TRPM3: variants seen among roughly 807,000 people sequenced by gnomAD.
TRPM3 encodes long transient receptor potential channel 3.
Under a neutral mutation model 181.2 loss-of-function variants are expected in TRPM3, and 77 were observed. The ratio of observed to expected loss-of-function variants is 0.42; its 90% CI spans 0.35 to 0.51. The LOEUF (loss-of-function observed/expected upper bound fraction) is 0.51, where lower values mean the gene tolerates loss of function less well. Ranked by LOEUF, TRPM3 falls within the 20% of genes least tolerant of loss-of-function variation. The probability of loss-of-function intolerance (pLI) is 0.01; values close to 1 mark genes in which losing one functional copy is unlikely to be tolerated. For synonymous variants in TRPM3, 745 were observed against 796.4 expected (o/e 0.94, Z 1.09); for missense variants, 1,759 against 2,196.7 (o/e 0.80, Z 3.98).
chr9:71,071,885 T>C (rs1302355707), intron 1 of TRPM3, among the ~76,000 whole-genome samples: 1 of 152,148 alleles, frequency 6.6e-6, no homozygotes, highest in African/African-American at 2.4e-5. Context: ...ATCAATACAC[T>C]TCAGGTCTTT....
At chr9:71,308,166 A>G (rs1021879) in intron 1 of TRPM3, among the ~76,000 whole-genome samples, 130,465 of 151,812 alleles carry the variant, frequency 0.86, 56,124 homozygotes, top group South Asian at 0.93. Context: ...GAGCCACCAC[A>G]CCTGGCAATG....
chr9:70,615,806 A>G (rs1311559905), intron 18 of TRPM3, 102 bp downstream of exon 18: 1 of 1,210,940 alleles, frequency 8.3e-7, no homozygotes, highest in Non-Finnish European at 1.2e-6. Flanking sequence ...AAGGCTGGGA[A>G]CAGATGTCTG....
intron 10 of TRPM3, 126 bp from the exon 11 acceptor site, chr9:70,639,320 A>G: frequency 9.6e-7 from 1 of 1,037,362 alleles, no homozygotes; most frequent in Non-Finnish European, 1.4e-6. Context: ...CACATCTAAG[A>G]ACATGCTAGC....
At position 70,784,187 on chromosome 9, in the gene TRPM3, G is replaced by C; in HGVS notation, c.1066C>G (p.Pro356Ala). ...CCATCACAGACAACCACTGGCACGG[G>C]AGGGGTGTCTCGAAGGTACTCCAAA... ...IVLEYLRDTP[P>A]VPVVVCDGSG... The change falls in exon 7 of 26, where the codon CCC becomes GCC. Residue 356 changes from proline (P) to alanine (A), a missense_variant. By Grantham distance (27) the Pro-to-Ala change is conservative. Around this residue, in one of 8 missense-constraint regions of TRPM3, gnomAD observed 737 missense variants for 957.4 expected, o/e 0.77. Coordinates refer to ENST00000677713, the MANE Select transcript of TRPM3 (RefSeq NM_001366145.2). 11 of 1,613,802 alleles carry C rather than the reference G, an allele frequency of 6.8e-6. No homozygotes were observed. The highest frequency in any genetic ancestry group is 8.5e-6 in the Non-Finnish European group (10 of 1,179,814).
intron 1 of TRPM3, among the ~76,000 whole-genome samples, chr9:71,013,140 T>C (rs1176227524): frequency 6.6e-6 from 1 of 152,212 alleles, no homozygotes; most frequent in East Asian, 1.9e-4. Flanking sequence ...TCCTATTTTG[T>C]TGATTTTGGT....
intron 1 of TRPM3, among the ~76,000 whole-genome samples, chr9:71,097,919 T>C (rs2067604102): frequency 6.6e-6 from 1 of 152,148 alleles, no homozygotes; most frequent in Non-Finnish European, 1.5e-5. Context: ...ACAGGATCTA[T>C]GATTAAATCT....
intron 6 of TRPM3, among the ~76,000 whole-genome samples, chr9:70,811,881 C>T (rs1007843596): frequency 6.6e-6 from 1 of 152,118 alleles, no homozygotes; most frequent in African/African-American, 2.4e-5. Flanking sequence ...TGGACTGATT[C>T]CTCTTTCTCT....
At chr9:70,886,996 C>A (rs903849935) in intron 1 of TRPM3, among the ~76,000 whole-genome samples, 1 of 152,172 alleles carries the variant, frequency 6.6e-6, no homozygotes, top group South Asian at 2.1e-4. Context: ...AATATAACTG[C>A]AATTGACAGG....
At chr9:70,972,747 A>G (rs1417402377) in intron 1 of TRPM3, among the ~76,000 whole-genome samples, 8 of 152,160 alleles carry the variant, frequency 5.3e-5, no homozygotes, top group African/African-American at 9.6e-5. Flanking sequence ...TCTATGTCTC[A>G]GTGGACAAAG....
chr9:70,686,023 G>A (rs2066654771), intron 8 of TRPM3, among the ~76,000 whole-genome samples: 1 of 149,838 alleles, frequency 6.7e-6, no homozygotes. Flanking sequence ...ATATGGTTAG[G>A]TATATGTGTA....
Position 70,933,206 on chromosome 9 carries a change from G to A in TRPM3, c.178-68695C>T, listed in dbSNP as rs867344744. On this transcript the variant is annotated intron_variant, in intron 1 of 25. Coordinates refer to ENST00000677713, the MANE Select transcript of TRPM3 (RefSeq NM_001366145.2). Reference sequence around the variant, plus strand: ...GATATTAAGGTAGAGATATCTAGGAGACAGTTGGGTGTGTGATACGGACCT... The same window carrying A: ...GATATTAAGGTAGAGATATCTAGGAAACAGTTGGGTGTGTGATACGGACCT... 2.0e-4 allele frequency among the ~76,000 whole-genome samples: 31 copies of A among 152,270 alleles called. No homozygotes were observed. In the Middle Eastern group the frequency reaches 0.02, roughly 100 times the overall value.
At chr9:70,772,741 C>T (rs1234628170) in intron 7 of TRPM3, among the ~76,000 whole-genome samples, 2 of 152,146 alleles carry the variant, frequency 1.3e-5, no homozygotes, top group Admixed American at 1.3e-4. Flanking sequence ...ACAATGTTGG[C>T]TGTGTCTCTG....
chr9:70,622,936 A>AT (rs531193705), intron 14 of TRPM3, among the ~76,000 whole-genome samples: 42 of 151,974 alleles, frequency 2.8e-4, no homozygotes, highest in African/African-American at 8.4e-4. Flanking sequence ...AGTTACTGGT[A>AT]TTTTTTTAAA....
intron 6 of TRPM3, among the ~76,000 whole-genome samples, chr9:70,816,363 G>C (rs1459445430): frequency 6.6e-6 from 1 of 152,214 alleles, no homozygotes; most frequent in East Asian, 1.9e-4. Context: ...TAGATAATTG[G>C]TGTAAGAATC....
intron 1 of TRPM3, among the ~76,000 whole-genome samples, chr9:70,966,979 A>G (rs563812508): frequency 5.9e-5 from 9 of 152,210 alleles, no homozygotes; most frequent in Middle Eastern, 3.4e-3. Context: ...TATAAATGAA[A>G]TGTTTGTAAT....
At chr9:70,852,807 C>A (rs1422074249) in intron 3 of TRPM3, among the ~76,000 whole-genome samples, 1 of 152,196 alleles carries the variant, frequency 6.6e-6, no homozygotes, top group Non-Finnish European at 1.5e-5. Flanking sequence ...CTGCTCCCCT[C>A]TAAGTCCTAG....
intron 1 of TRPM3, among the ~76,000 whole-genome samples, chr9:71,040,248 T>C (rs547011053): frequency 5.3e-5 from 8 of 152,354 alleles, no homozygotes; most frequent in African/African-American, 1.4e-4. Context: ...GAATTCTTTA[T>C]AAAAATAGTT....
At chr9:71,044,820 A>C (rs1002178146) in intron 1 of TRPM3, among the ~76,000 whole-genome samples, 7 of 150,376 alleles carry the variant, frequency 4.7e-5, no homozygotes, top group Admixed American at 1.3e-4. Flanking sequence ...TACAGGCGCC[A>C]GCCACCACGC....
At chr9:70,602,396 C>A (rs2060206409) in intron 20 of TRPM3, among the ~76,000 whole-genome samples, 1 of 152,014 alleles carries the variant, frequency 6.6e-6, no homozygotes, top group Non-Finnish European at 1.5e-5. Flanking sequence ...TGTAGGAGTC[C>A]TTTTTTCCTA....
Sources: gnomAD v4.1 joint callset for allele counts (sites outside exome capture counted in the v4.1 genomes callset) on GRCh38, gnomAD v4.1.1 for gene constraint, gnomAD v4.1.1 regional missense constraint, MANE v1.5 for transcripts, NCBI Gene and HGNC (gene_info 2026-07-23, HGNC 2026-07-21) for gene names.